The following COQ8A variants were observed in gnomAD, a reference collection of about 807,000 sequenced individuals.
COQ8A encodes coenzyme Q8A.
COQ8A carries 51 observed loss-of-function variants against 65.0 expected under a neutral mutation model. The observed-to-expected ratio is 0.78, with a 90% CI of 0.63 to 0.99. The LOEUF (loss-of-function observed/expected upper bound fraction) is 0.99. COQ8A is among the 50% of genes least tolerant of loss of function. The pLI is 0.00. For synonymous variants in COQ8A, 371 were observed against 353.2 expected, an observed-to-expected ratio of 1.05 and a Z score of -0.57; for missense variants, 940 against 875.0, an observed-to-expected ratio of 1.07 and a Z score of -0.94.
chr1:226,965,121 A>C lies in COQ8A; in HGVS notation c.299A>C (p.Asp100Ala). Residue 100 changes from aspartate (D) to alanine (A), a missense_variant, in exon 3 of 15, where the codon GAC (aspartate) becomes GCC (alanine). By Grantham distance (126) the Asp-to-Ala change is moderately radical. Transcript: ENST00000366777. ...GACTTCTCTTCAGCCTCCGCTCCCG[A>C]CCAGTCAGCGCCCCCATCCCTGGGT... ...STDFSSASAP[D>A]QSAPPSLGHA... 6.2e-7 allele frequency: 1 copy of C among 1,613,898 alleles called. No homozygotes were observed. Among genetic ancestry groups the C allele is most frequent in the South Asian group, 1.1e-5 (1 of 91,084 alleles).
In COQ8A at chr1:226,986,598, C is replaced by T. The variant is rs61995958; in HGVS notation, c.1805C>T (p.Pro602Leu). Residue 602 changes from proline (P) to leucine (L), a missense_variant, in exon 15 of 15, where the codon CCA becomes CTA. By Grantham distance (98) the Pro-to-Leu change is moderately conservative. Transcript: ENST00000366777. ...PVMLRHRLVPPPEETYSLHRK... is the reference protein window; with the variant it reads ...PVMLRHRLVPLPEETYSLHRK... The stretch of plus-strand genomic sequence containing the variant: ...ATGCTGAGGCACCGTCTCGTCCCCC[C>T]ACCCGAGGAAACCTACTCCCTGCAC... 3.0e-5 allele frequency: 48 copies of T among 1,613,924 alleles called. No individual in the cohort carries two copies. The highest frequency in any genetic ancestry group is 3.9e-5 in the Non-Finnish European group (46 of 1,180,000).
At chr1:226,965,476 C>T in intron 3 of COQ8A, 66 bp downstream of exon 3, 1 of 1,574,652 alleles carries the variant, frequency 6.4e-7, no homozygotes, top group East Asian at 2.3e-5. Context: ...GCCTTGGGCT[C>T]TGCTCTAGGG....
In COQ8A at chr1:226,965,371, G is replaced by A; in HGVS notation, c.549G>A (p.Gln183=). The change falls in exon 3 of 15, where the codon CAG becomes CAA. Residue 183 remains glutamine, a synonymous_variant. Coordinates refer to ENST00000366777, the MANE Select transcript of COQ8A (RefSeq NM_020247.5). ...CCGAGGACATTGAGAAGGCCCGGCA[G>A]GCTAAGGCTCGCCCCGAGAACAAGC... ...LTAEDIEKAR[Q]AKARPENKQH... The A allele has an allele frequency of 6.2e-7, 1 of 1,612,212 alleles. No individual in the cohort carries two copies. Among genetic ancestry groups the A allele is most frequent in the Non-Finnish European group, 8.5e-7 (1 of 1,179,676 alleles).
At chr1:226,951,132 C>T (rs1161616662) in intron 1 of COQ8A, among the ~76,000 whole-genome samples, 3 of 152,214 alleles carry the variant, frequency 2.0e-5, no homozygotes, top group Non-Finnish European at 4.4e-5. Context: ...GAGGCAGCAG[C>T]GTGCGTCCCT....
At chr1:226,974,307 T>C (rs968494531) in intron 4 of COQ8A, among the ~76,000 whole-genome samples, 8 of 152,226 alleles carry the variant, frequency 5.3e-5, no homozygotes, top group Non-Finnish European at 8.8e-5. Flanking sequence ...TCAGAAGCTT[T>C]CCTGGAACAG....
At chr1:226,944,707 G>C (rs890378250) in intron 1 of COQ8A, among the ~76,000 whole-genome samples, 1 of 46,006 alleles carries the variant, frequency 2.2e-5, no homozygotes, top group Admixed American at 1.7e-4. Context: ...GAGAGAGAGA[G>C]AGAGAGAGAG....
chr1:226,943,686 C>T (rs569438864), intron 1 of COQ8A, among the ~76,000 whole-genome samples: 2 of 152,230 alleles, frequency 1.3e-5, no homozygotes, highest in Non-Finnish European at 2.9e-5. Context: ...GCCTATGGGA[C>T]TTCTTTCCAT....
At chr1:226,973,710 TAGAG>T (rs1558196694) in intron 4 of COQ8A, among the ~76,000 whole-genome samples, 3 of 152,206 alleles carry the variant, frequency 2.0e-5, no homozygotes, top group Non-Finnish European at 2.9e-5. Flanking sequence ...CAGGTGGTGA[TAGAG>T]AAAGACTGAA....
At chr1:226,941,177 C>A (rs750287249) in intron 1 of COQ8A, among the ~76,000 whole-genome samples, 8 of 152,136 alleles carry the variant, frequency 5.3e-5, no homozygotes, top group Non-Finnish European at 1.2e-4. Flanking sequence ...ATGTCAGGTT[C>A]CTGAAGGGTG....
chr1:226,961,336 G>A (rs1387546913), intron 1 of COQ8A, 41 bp from the exon 2 acceptor site: 1 of 1,610,708 alleles, frequency 6.2e-7, no homozygotes, highest in Non-Finnish European at 8.5e-7. Context: ...TTGGCCTGCA[G>A]AGGCCTGGGG....
rs1658967054 is a variant in COQ8A, at chr1:226,972,580, C to G, written c.656-4869C>G. On this transcript the variant is annotated intron_variant, in intron 4 of 14. Coordinates refer to ENST00000366777, the MANE Select transcript of COQ8A (RefSeq NM_020247.5). The surrounding 1 kb of genome is among the most constrained non-coding windows in gnomAD (Gnocchi z 4.3). ...TAACTCTCTTATGTTAGAAAACAGG[C>G]ATTGCTTAGGCTGTTGGCTCTTGTT... 6.6e-6 allele frequency among the ~76,000 whole-genome samples: 1 copy of G among 152,160 alleles called. No homozygotes were observed. Among genetic ancestry groups the G allele is most frequent in the South Asian group, 2.1e-4 (1 of 4,820 alleles).
At chr1:226,948,111 A>G (rs1251565933) in intron 1 of COQ8A, among the ~76,000 whole-genome samples, 2 of 152,226 alleles carry the variant, frequency 1.3e-5, no homozygotes, top group Admixed American at 6.5e-5. Context: ...TCATAAATGT[A>G]TGATCTTACA....
chr1:226,984,261 G>A, intron 11 of COQ8A, 26 bp downstream of exon 11: 1 of 1,612,402 alleles, frequency 6.2e-7, no homozygotes, highest in East Asian at 2.2e-5. Context: ...CAGACAGGTG[G>A]GGCCAGGGTG....
rs778729725 is a variant in COQ8A, at chr1:226,987,307, T to C, written c.*570T>C. ...CTGGTTCTCACCTTTGACAGCTGAATGTTCCTAAAGAACTGCTGCCCCACA... is the reference window on the plus strand; with the variant it reads ...CTGGTTCTCACCTTTGACAGCTGAACGTTCCTAAAGAACTGCTGCCCCACA... On this transcript the variant is annotated 3_prime_UTR_variant, in exon 15 of 15. Coordinates refer to ENST00000366777, the MANE Select transcript of COQ8A (RefSeq NM_020247.5). The C allele has an allele frequency of 7.7e-5, 12 of 155,762 alleles. No individual in the cohort carries two copies. Among genetic ancestry groups the C allele is most frequent in the Non-Finnish European group, 1.4e-4 (10 of 70,338 alleles). 9.6% of individuals were successfully genotyped at this position (155,762 alleles called of 1,614,324 possible).
rs373971613 is a variant in COQ8A, at chr1:226,982,954, C to G, written c.1000C>G (p.Arg334Gly). Reference sequence around the variant, plus strand: ...GGACAAGTTGGAATACTTCGAGGAGCGGCCCTTCGCCGCCGCATCCATTGG... The same window carrying G: ...GGACAAGTTGGAATACTTCGAGGAGGGGCCCTTCGCCGCCGCATCCATTGG... ...WRDKLEYFEE[R>G]PFAAASIGQV... Residue 334 changes from arginine (R) to glycine (G), a missense_variant, in exon 8 of 15, where the codon CGG becomes GGG. Coordinates refer to ENST00000366777, the MANE Select transcript of COQ8A (RefSeq NM_020247.5). 14 of 1,607,474 alleles carry G rather than the reference C, an allele frequency of 8.7e-6. No individual in the cohort carries two copies.
intron 4 of COQ8A, among the ~76,000 whole-genome samples, chr1:226,971,422 G>C (rs917276679): frequency 2.0e-5 from 3 of 151,874 alleles, no homozygotes; most frequent in Non-Finnish European, 4.4e-5. Flanking sequence ...CGTGGTGGTG[G>C]GTACCTGTAA....
chr1:226,945,697 T>C (rs2148002088), intron 1 of COQ8A, among the ~76,000 whole-genome samples: 1 of 152,362 alleles, frequency 6.6e-6, no homozygotes, highest in Non-Finnish European at 1.5e-5. Context: ...TGCTTGGTGC[T>C]CACGGTTCAT....
chr1:226,977,903 G>A (rs1352725860), intron 5 of COQ8A, among the ~76,000 whole-genome samples: 5 of 119,104 alleles, frequency 4.2e-5, no homozygotes, highest in South Asian at 2.8e-4. Context: ...CACACCCAGC[G>A]AACACGCGCA....
chr1:226,944,943 C>T (rs931839463), intron 1 of COQ8A, among the ~76,000 whole-genome samples: 3 of 152,136 alleles, frequency 2.0e-5, no homozygotes, highest in Admixed American at 6.5e-5. Context: ...GAGGCTGTAG[C>T]GCCCCTCTCT....
Sources: gnomAD v4.1 joint callset for allele counts (sites outside exome capture counted in the v4.1 genomes callset) on GRCh38, gnomAD v4.1.1 for gene constraint, Gnocchi (gnomAD v3.1) non-coding constraint, MANE v1.5 for transcripts, NCBI Gene and HGNC (gene_info 2026-07-23, HGNC 2026-07-21) for gene names.